The following DMD variants were observed in gnomAD, a reference collection of about 807,000 sequenced individuals.
DMD encodes the protein dystrophin, also known as mutant dystrophin.
A neutral mutation model predicts 330.1 loss-of-function variants in DMD; 63 were observed. That is an observed-to-expected ratio of 0.19 (90% confidence interval 0.16 to 0.24). The LOEUF is 0.24. Among genes scored for constraint, DMD ranks in the 10% least tolerant of loss-of-function variants. The probability of loss-of-function intolerance (pLI) is 1.00; values close to 1 mark genes in which losing one functional copy is unlikely to be tolerated. For synonymous variants in DMD, 1,223 were observed against 959.8 expected (o/e 1.27, Z -5.07); for missense variants, 3,344 against 2,684.1 (o/e 1.25, Z -5.43).
chrX:31,331,725 C>T (rs1297954244), intron 61 of DMD, among the ~76,000 whole-genome samples: 1 of 112,016 alleles, frequency 8.9e-6, no homozygotes, highest in African/African-American at 3.2e-5. Flanking sequence ...AATGCAATAT[C>T]GCCAGGTGCC....
chrX:32,302,948 G>C (rs1490502037), intron 42 of DMD, among the ~76,000 whole-genome samples: 2 of 110,798 alleles, frequency 1.8e-5, no homozygotes, highest in African/African-American at 6.5e-5. Flanking sequence ...AAGCTTTTCA[G>C]GTTCCAATAC....
chrX:32,643,573 T>C (rs757525296), intron 11 of DMD, among the ~76,000 whole-genome samples: 16 of 111,565 alleles, frequency 1.4e-4, no homozygotes, highest in Non-Finnish European at 2.4e-4. Context: ...ATAAGAAATA[T>C]GTCATTTTTC....
In DMD at chrX:32,696,351, G is replaced by A. The variant is rs1355103815; in HGVS notation, c.960+1519C>T. On this transcript the variant is annotated intron_variant, in intron 9 of 78. Coordinates refer to ENST00000357033, the MANE Select transcript of DMD (RefSeq NM_004006.3). ...TTCTGATATGCTTCCTTTAGTGACA[G>A]AATATATCATTCCCCATCCCCCATC... Among the ~76,000 whole-genome samples the A allele has an allele frequency of 6.2e-5, 7 of 112,087 alleles. No individual in the cohort carries two copies. In the Admixed American group the frequency reaches 6.6e-4, roughly 11 times the overall value.
intron 43 of DMD, among the ~76,000 whole-genome samples, chrX:32,224,335 T>A (rs1234760203): frequency 4.5e-5 from 5 of 111,654 alleles, no homozygotes; most frequent in Non-Finnish European, 9.4e-5. Flanking sequence ...CTTTATCAAT[T>A]TGTTTTTTTC....
intron 44 of DMD, among the ~76,000 whole-genome samples, chrX:32,047,254 A>C (rs931997433): frequency 5.4e-5 from 6 of 111,604 alleles, no homozygotes; most frequent in Non-Finnish European, 1.1e-4. Context: ...GCTAGTCTAC[A>C]TAGGTGCATA....
intron 7 of DMD, among the ~76,000 whole-genome samples, chrX:32,730,373 A>G (rs1022901244): frequency 1.8e-5 from 2 of 112,076 alleles, no homozygotes; most frequent in African/African-American, 6.5e-5. Flanking sequence ...TAATGGTGCC[A>G]TAAGTAAATG....
chrX:32,322,500 C>T (rs1295481205), intron 41 of DMD, among the ~76,000 whole-genome samples: 2 of 110,961 alleles, frequency 1.8e-5, no homozygotes, highest in Admixed American at 9.7e-5. Context: ...GAGTTGGTGG[C>T]TGCAGTGAGC....
chrX:32,437,367 G>T (rs773141578), intron 29 of DMD, among the ~76,000 whole-genome samples: 6 of 111,847 alleles, frequency 5.4e-5, no homozygotes. Flanking sequence ...TACTCAAGGC[G>T]TTCCTTTTCA....
At chrX:33,254,814 T>C (rs1355958389) in intron 1 of DMD, among the ~76,000 whole-genome samples, 1 of 110,557 alleles carries the variant, frequency 9.0e-6, no homozygotes, top group Non-Finnish European at 1.9e-5. Flanking sequence ...TTTTTTTTCT[T>C]CTTATTGCAA....
In DMD at chrX:31,898,677, C is replaced by A. The variant is rs746868171; in HGVS notation, c.6913-23304G>T. On this transcript the variant is annotated intron_variant, in intron 47 of 78. Transcript: ENST00000357033. ...AAACCATAAAAACCCTAGAAGATAACCTAGGCATTACAATTTCTTTTCTTA... is the reference window on the plus strand; with the variant it reads ...AAACCATAAAAACCCTAGAAGATAAACTAGGCATTACAATTTCTTTTCTTA... Among the ~76,000 whole-genome samples, 7 of 111,945 alleles carry A rather than the reference C, an allele frequency of 6.3e-5. No homozygotes were observed. In the East Asian group the frequency reaches 2.0e-3, roughly 31 times the overall value.
chrX:32,414,411 A>C (rs1019834504), intron 29 of DMD, among the ~76,000 whole-genome samples: 33 of 112,017 alleles, frequency 2.9e-4, no homozygotes, highest in African/African-American at 9.7e-4. Context: ...GGGATGGCTA[A>C]ATTAAGCTAT....
At chrX:32,993,451 T>C (rs751222656) in intron 2 of DMD, among the ~76,000 whole-genome samples, 2 of 108,985 alleles carry the variant, frequency 1.8e-5, no homozygotes, top group Non-Finnish European at 3.8e-5. Flanking sequence ...TAAAATACAA[T>C]AATTAGCCAG....
chrX:32,757,009 G>T (rs1320735646), intron 7 of DMD, among the ~76,000 whole-genome samples: 2 of 110,417 alleles, frequency 1.8e-5, no homozygotes, highest in African/African-American at 3.3e-5. Context: ...TACAATTCAG[G>T]GTTTAACTCT....
chrX:33,083,189 G>A (rs1359445233), intron 1 of DMD, among the ~76,000 whole-genome samples: 1 of 111,728 alleles, frequency 9.0e-6, no homozygotes, highest in Non-Finnish European at 1.9e-5. Flanking sequence ...TTGTGCTATA[G>A]CTGTGGGGTT....
intron 2 of DMD, among the ~76,000 whole-genome samples, chrX:32,874,529 G>A (rs1345053461): frequency 9.0e-6 from 1 of 111,404 alleles, no homozygotes; most frequent in African/African-American, 3.3e-5. Context: ...TGTGAGATAT[G>A]CATCACTCAA....
intron 9 of DMD, among the ~76,000 whole-genome samples, chrX:32,672,310 G>A (rs1345450399): frequency 9.0e-6 from 1 of 110,971 alleles, no homozygotes; most frequent in Non-Finnish European, 1.9e-5. Flanking sequence ...ATAAAACACA[G>A]CATTTTCCAA....
At chrX:32,499,753 A>G (rs2043852443) in intron 19 of DMD, among the ~76,000 whole-genome samples, 1 of 111,172 alleles carries the variant, frequency 9.0e-6, no homozygotes, top group Admixed American at 9.7e-5. Context: ...TTTGGGCTCT[A>G]TACTAAAGGA....
chrX:32,791,392 G>A (rs1043844943), intron 7 of DMD, among the ~76,000 whole-genome samples: 16 of 111,585 alleles, frequency 1.4e-4, no homozygotes, highest in African/African-American at 4.6e-4. Context: ...ACAGCTCTGA[G>A]GCCTGAGGAC....
chrX:32,652,372 T>G (rs1303256572), intron 9 of DMD, among the ~76,000 whole-genome samples: 1 of 100,333 alleles, frequency 1.0e-5, no homozygotes, highest in African/African-American at 3.7e-5. Flanking sequence ...CACCCATGAG[T>G]GAGAACATGT....
Sources: allele counts gnomAD v4.1 joint callset (sites outside exome capture counted in the v4.1 genomes callset), GRCh38; gene constraint gnomAD v4.1.1; transcripts MANE v1.5; gene names NCBI Gene and HGNC (gene_info 2026-07-23, HGNC 2026-07-21).